MGAT4C: variants seen among roughly 807,000 people sequenced by gnomAD.
MGAT4C encodes the protein alpha-1,3-mannosyl-glycoprotein 4-beta-N-acetylglucosaminyltransferase C.
A neutral mutation model predicts 40.1 loss-of-function variants in MGAT4C; 19 were observed. The observed-to-expected ratio is 0.47, with a 90% CI of 0.33 to 0.70. The LOEUF (loss-of-function observed/expected upper bound fraction) is 0.70. Ranked by LOEUF, MGAT4C falls within the 30% of genes least tolerant of loss-of-function variation. The probability of loss-of-function intolerance (pLI) is 0.02; values close to 1 mark genes in which losing one functional copy is unlikely to be tolerated. For missense variants in MGAT4C, 491 were observed against 563.2 expected, an observed-to-expected ratio of 0.87 and a Z score of 1.30; for synonymous variants, 181 against 187.1, an observed-to-expected ratio of 0.97 and a Z score of 0.27.
intron 2 of MGAT4C, among the ~76,000 whole-genome samples, chr12:86,663,308 C>T (rs1964023349): frequency 7.5e-6 from 1 of 134,020 alleles, no homozygotes; most frequent in African/African-American, 3.0e-5. Flanking sequence ...TGCAGTGAGC[C>T]GTGAGCACAC....
At chr12:86,240,164 A>G (rs900300871) in intron 1 of MGAT4C, among the ~76,000 whole-genome samples, 1 of 136,022 alleles carries the variant, frequency 7.4e-6, no homozygotes, top group Non-Finnish European at 1.5e-5. Context: ...TTTCAAAAGC[A>G]CACACACACA....
At chr12:86,760,387 G>GTT (rs200239500) in intron 1 of MGAT4C, among the ~76,000 whole-genome samples, 43 of 150,238 alleles carry the variant, frequency 2.9e-4, no homozygotes, top group Non-Finnish European at 4.9e-4. Context: ...TTTTGTTTTT[G>GTT]TTTTTTTTTG....
intron 2 of MGAT4C, among the ~76,000 whole-genome samples, chr12:86,484,536 C>T (rs1368614360): frequency 1.3e-5 from 2 of 152,178 alleles, no homozygotes; most frequent in African/African-American, 4.8e-5. Context: ...CAGCCAGTGT[C>T]TGATCTCGAG....
At position 86,409,867 on chromosome 12, in the gene MGAT4C, G is replaced by A. The variant is rs113087686; in HGVS notation, c.-120+25290C>T. Among the ~76,000 whole-genome samples the A allele has an allele frequency of 3.0e-3, 457 of 151,804 alleles. 2 individuals are homozygous for A. The highest frequency in any genetic ancestry group is 0.01 in the African/African-American group (427 of 41,304). ...TTTCGATTTTCCCTAAGTGTTGGCC[G>A]ATCTGAGAAATAAAGAGAAAGAATA... On this transcript the variant is annotated intron_variant, in intron 3 of 7. Coordinates refer to the MGAT4C transcript ENST00000548651.
Position 86,496,953 on chromosome 12 carries a change from G to T in MGAT4C, c.-228-61688C>A, listed in dbSNP as rs547264502. ...ATGAATTTGAAAGCAGATATCAGTA[G>T]ATTTATTCTAAGAAGGAAAATATAA... On this transcript the variant is annotated intron_variant, in intron 2 of 7. Coordinates refer to the MGAT4C transcript ENST00000548651. Among the ~76,000 whole-genome samples the T allele has an allele frequency of 3.3e-5, 5 of 152,014 alleles. No homozygotes were observed. The South Asian group carries it at 8.3e-4, about 25-fold the overall frequency.
intron 1 of MGAT4C, among the ~76,000 whole-genome samples, chr12:86,802,819 C>T (rs1334330032): frequency 1.4e-5 from 2 of 143,832 alleles, no homozygotes; most frequent in African/African-American, 2.6e-5. Flanking sequence ...GAATCAATAT[C>T]GTGAAAATGG....
At chr12:86,460,885 T>G (rs1957588528) in intron 2 of MGAT4C, among the ~76,000 whole-genome samples, 1 of 152,164 alleles carries the variant, frequency 6.6e-6, no homozygotes, top group Non-Finnish European at 1.5e-5. Flanking sequence ...TAGCCCACTT[T>G]TTAAATTACA....
intron 1 of MGAT4C, among the ~76,000 whole-genome samples, chr12:86,067,663 A>G (rs1894685370): frequency 6.6e-6 from 1 of 152,212 alleles, no homozygotes; most frequent in Non-Finnish European, 1.5e-5. Flanking sequence ...CTATGTAACA[A>G]ACCTGCACTT....
chr12:86,584,981 T>C (rs1374043261), intron 2 of MGAT4C, among the ~76,000 whole-genome samples: 1 of 151,428 alleles, frequency 6.6e-6, no homozygotes, highest in African/African-American at 2.4e-5. Context: ...GAGCCATGTG[T>C]ATTTGTCAAT....
chr12:86,321,699 C>T (rs11103925), intron 4 of MGAT4C, among the ~76,000 whole-genome samples: 6 of 151,894 alleles, frequency 4.0e-5, no homozygotes, highest in African/African-American at 4.8e-5. Flanking sequence ...GTTAGAATGG[C>T]GATCATTAAC....
intron 4 of MGAT4C, among the ~76,000 whole-genome samples, chr12:86,272,898 T>C (rs1315573445): frequency 3.3e-5 from 5 of 152,146 alleles, no homozygotes; most frequent in Admixed American, 3.3e-4. Flanking sequence ...TTTGCATTCA[T>C]TGTACAGATG....
At chr12:86,485,748 AGAC>A (rs1958009139) in intron 2 of MGAT4C, among the ~76,000 whole-genome samples, 1 of 152,128 alleles carries the variant, frequency 6.6e-6, no homozygotes, top group Admixed American at 6.6e-5. Flanking sequence ...GTACTATATA[AGAC>A]AACAACCTCC....
intron 2 of MGAT4C, among the ~76,000 whole-genome samples, chr12:86,581,969 G>C (rs186148337): frequency 2.0e-5 from 3 of 151,526 alleles, no homozygotes; most frequent in South Asian, 2.1e-4. Flanking sequence ...GATACAGTCC[G>C]TGTCTTATAG....
At position 85,967,642 on chromosome 12, in the gene MGAT4C, A is replaced by G. The variant is rs987840184; in HGVS notation, c.*11647T>C. On this transcript the variant is annotated 3_prime_UTR_variant, in exon 5 of 5. Coordinates refer to ENST00000611864, the MANE Select transcript of MGAT4C (RefSeq NM_001351288.2). Reference sequence around the variant, plus strand: ...AACACTATGTAGAAAAATATTTTAAATAAGACAGAGCATTAAAATAATGTA... The same window carrying G: ...AACACTATGTAGAAAAATATTTTAAGTAAGACAGAGCATTAAAATAATGTA... The G allele has an allele frequency of 3.9e-5, 6 of 152,198 alleles. No individual in the cohort carries two copies. The highest frequency in any genetic ancestry group is 1.4e-4 in the African/African-American group (6 of 41,562). 9.4% of individuals were successfully genotyped at this position (152,198 alleles called of 1,614,324 possible). A position where few individuals can be genotyped will look rare whatever the true frequency, so the allele number is the denominator to read the frequency against.
intron 4 of MGAT4C, among the ~76,000 whole-genome samples, chr12:86,294,883 T>C (rs1447108481): frequency 6.6e-6 from 1 of 152,170 alleles, no homozygotes; most frequent in Non-Finnish European, 1.5e-5. Context: ...TCTATTACAA[T>C]GAAAGCTTTT....
intron 2 of MGAT4C, among the ~76,000 whole-genome samples, chr12:86,576,108 G>A (rs1448322266): frequency 1.3e-5 from 2 of 151,768 alleles, no homozygotes; most frequent in Non-Finnish European, 2.9e-5. Flanking sequence ...TTATATGCCT[G>A]TCTGCCACTT....
chr12:86,012,795 C>G (rs1050868078), intron 2 of MGAT4C, among the ~76,000 whole-genome samples: 3 of 141,260 alleles, frequency 2.1e-5, no homozygotes, highest in African/African-American at 7.6e-5. Context: ...ACCACCACCA[C>G]CACCACCACC....
At chr12:86,365,644 C>A (rs544669091) in intron 3 of MGAT4C, among the ~76,000 whole-genome samples, 3 of 151,412 alleles carry the variant, frequency 2.0e-5, no homozygotes, top group African/African-American at 7.3e-5. Flanking sequence ...CTGGTCCCTC[C>A]GTTCGGGGTT....
intron 1 of MGAT4C, among the ~76,000 whole-genome samples, chr12:86,784,521 A>G (rs753970214): frequency 1.3e-5 from 2 of 152,118 alleles, no homozygotes; most frequent in Non-Finnish European, 2.9e-5. Context: ...TTAGAGGATT[A>G]GGGCTCCATC....
Sources: gnomAD v4.1 joint callset for allele counts (sites outside exome capture counted in the v4.1 genomes callset) on GRCh38, gnomAD v4.1.1 for gene constraint, MANE v1.5 for transcripts, NCBI Gene and HGNC (gene_info 2026-07-23, HGNC 2026-07-21) for gene names.